Variants in CDH13 observed in about 807,000 individuals in gnomAD.
CDH13 encodes the protein cadherin-13.
Under a neutral mutation model 63.8 loss-of-function variants are expected in CDH13, and 24 were observed. That is an observed-to-expected ratio of 0.38 (90% confidence interval 0.27 to 0.53). CDH13 has a LOEUF of 0.53. CDH13 is among the 20% of genes least tolerant of loss of function. CDH13 has a pLI of 0.85. For missense variants in CDH13, 1,049 were observed against 903.1 expected (o/e 1.16, Z -2.07); for synonymous variants, 503 against 355.3 (o/e 1.42, Z -4.67).
intron 3 of CDH13, among the ~76,000 whole-genome samples, chr16:83,073,321 CTG>C (rs567463667): frequency 0.066 from 9,187 of 139,518 alleles, 340 homozygotes; most frequent in African/African-American, 0.12. Context: ...GGGTGTGTGT[CTG>C]TGTGTGTGTG....
At chr16:83,487,073 C>T (rs1027078982) in intron 7 of CDH13, among the ~76,000 whole-genome samples, 1 of 152,144 alleles carries the variant, frequency 6.6e-6, no homozygotes, top group African/African-American at 2.4e-5. Flanking sequence ...GCCCATGACT[C>T]CTTTCTCCAA....
intron 8 of CDH13, among the ~76,000 whole-genome samples, chr16:83,615,161 A>C (rs914838252): frequency 6.6e-6 from 1 of 152,134 alleles, no homozygotes; most frequent in African/African-American, 2.4e-5. Context: ...GTCCTCCAGG[A>C]TTCCGTGCAA....
At chr16:83,102,948 C>CTTTTTTTTTTTTTTTTTTTTTTTT (rs71148813) in intron 3 of CDH13, among the ~76,000 whole-genome samples, 9 of 69,030 alleles carry the variant, frequency 1.3e-4, no homozygotes, top group African/African-American at 4.2e-4. Context: ...TTTTCTTTTT[C>CTTTTTTTTTTTTTTTTTTTTTTTT]TTTTTTTTTT....
At chr16:83,351,083 G>T (rs1340227478) in intron 6 of CDH13, among the ~76,000 whole-genome samples, 3 of 152,186 alleles carry the variant, frequency 2.0e-5, no homozygotes, top group African/African-American at 4.8e-5. Context: ...TGTTCAGGTT[G>T]TTGCTATGGC....
chr16:83,782,109 G>T (rs889617719), intron 12 of CDH13, among the ~76,000 whole-genome samples: 1 of 151,890 alleles, frequency 6.6e-6, no homozygotes, highest in South Asian at 2.1e-4. Flanking sequence ...TTACTCTCTT[G>T]TTTTTTCTCC....
At chr16:83,585,870 T>C (rs1567785786) in intron 7 of CDH13, among the ~76,000 whole-genome samples, 1 of 152,098 alleles carries the variant, frequency 6.6e-6, no homozygotes, top group Non-Finnish European at 1.5e-5. Context: ...AGAATAGTAC[T>C]GTGTATGCCC....
intron 10 of CDH13, among the ~76,000 whole-genome samples, chr16:83,724,087 AAAGCATGGGTGGG>A (rs1910047020): frequency 6.6e-6 from 1 of 151,516 alleles, no homozygotes; most frequent in Non-Finnish European, 1.5e-5. Context: ...GTGAGTGTGG[AAAGCATGGGTGGG>A]TGATGAATGT....
intron 5 of CDH13, among the ~76,000 whole-genome samples, chr16:83,302,940 G>C (rs934158653): frequency 4.6e-5 from 7 of 152,198 alleles, no homozygotes; most frequent in Non-Finnish European, 8.8e-5. Context: ...AGTCACTACA[G>C]TTGCTCAAAA....
At chr16:83,652,684 G>A (rs1329245183) in intron 8 of CDH13, among the ~76,000 whole-genome samples, 2 of 152,074 alleles carry the variant, frequency 1.3e-5, no homozygotes, top group African/African-American at 4.8e-5. Context: ...GACAGGCCAC[G>A]GTCTCTTGTA....
chr16:82,794,963 C>A (rs1053054533), intron 1 of CDH13, among the ~76,000 whole-genome samples: 1 of 152,302 alleles, frequency 6.6e-6, no homozygotes, highest in East Asian at 1.9e-4. Flanking sequence ...CATTATGCTG[C>A]ATCCTCCCAG....
chr16:83,758,575 A>T (rs1913704956), intron 11 of CDH13, among the ~76,000 whole-genome samples: 1 of 152,242 alleles, frequency 6.6e-6, no homozygotes, highest in Admixed American at 6.5e-5. Flanking sequence ...CAAACAAAAG[A>T]AATACTAGGC....
At chr16:82,871,468 G>T (rs1177123594) in intron 2 of CDH13, among the ~76,000 whole-genome samples, 13 of 152,146 alleles carry the variant, frequency 8.5e-5, no homozygotes, top group Non-Finnish European at 1.8e-4. Flanking sequence ...AGAGCCCCAG[G>T]GAGATCCAAG....
chr16:83,546,942 A>C (rs895681989), intron 7 of CDH13, among the ~76,000 whole-genome samples: 23 of 152,228 alleles, frequency 1.5e-4, no homozygotes, highest in African/African-American at 5.5e-4. Flanking sequence ...GAATGAAGGC[A>C]CAACAAAAAC....
chr16:83,245,856 C>T (rs1000150915), intron 5 of CDH13, among the ~76,000 whole-genome samples: 6 of 152,140 alleles, frequency 3.9e-5, no homozygotes, highest in African/African-American at 1.4e-4. Context: ...GATTCTCCCA[C>T]CTCAGTCTTC....
chr16:83,392,924 G>GA (rs35646481), intron 6 of CDH13, among the ~76,000 whole-genome samples: 90,068 of 151,338 alleles, frequency 0.6, 29,034 homozygotes, highest in East Asian at 0.76. Flanking sequence ...GGAGGAGAGA[G>GA]GTGAAGAGCT....
intron 5 of CDH13, among the ~76,000 whole-genome samples, chr16:83,255,405 C>G (rs917972421): frequency 6.6e-6 from 1 of 152,168 alleles, no homozygotes; most frequent in African/African-American, 2.4e-5. Context: ...GGCTTTCCCA[C>G]AGATAAAAGA....
chr16:83,081,567 A>T (rs1176477434), intron 3 of CDH13, among the ~76,000 whole-genome samples: 4 of 152,118 alleles, frequency 2.6e-5, no homozygotes, highest in East Asian at 1.9e-4. Context: ...ACAAACATTT[A>T]TTTCTCCCAG....
At chr16:82,795,936 C>T (rs969205137) in intron 1 of CDH13, among the ~76,000 whole-genome samples, 2 of 146,736 alleles carry the variant, frequency 1.4e-5, no homozygotes, top group Non-Finnish European at 1.5e-5. Flanking sequence ...AAAAGGCCAC[C>T]CTTCATTCTT....
At chr16:83,318,154 T>C (rs1346132703) in intron 5 of CDH13, among the ~76,000 whole-genome samples, 1 of 152,186 alleles carries the variant, frequency 6.6e-6, no homozygotes, top group Non-Finnish European at 1.5e-5. Context: ...ATACTGAGCA[T>C]TTAATAAGCT....
Sources: allele counts gnomAD v4.1 joint callset (sites outside exome capture counted in the v4.1 genomes callset), GRCh38; gene constraint gnomAD v4.1.1; transcripts MANE v1.5; gene names NCBI Gene and HGNC (gene_info 2026-07-23, HGNC 2026-07-21).